GSAP: variants seen among roughly 807,000 people sequenced by gnomAD.
The protein encoded by GSAP is gamma-secretase-activating protein.
Under a neutral mutation model 131.7 loss-of-function variants are expected in GSAP, and 118 were observed. The ratio of observed to expected loss-of-function variants is 0.90; its 90% CI spans 0.77 to 1.04. GSAP has a LOEUF of 1.04. Among genes scored for constraint, GSAP ranks in the 50% least tolerant of loss-of-function variants. The pLI is 0.00. For missense variants in GSAP, 1,019 were observed against 1,013.2 expected, an observed-to-expected ratio of 1.01 and a Z score of -0.08; for synonymous variants, 381 against 363.4, an observed-to-expected ratio of 1.05 and a Z score of -0.55.
In GSAP at chr7:77,313,477, C is replaced by G. The variant is rs760149097; in HGVS notation, c.2271+11G>C. 13 of 1,451,542 alleles carry G rather than the reference C, an allele frequency of 9.0e-6. No individual in the cohort carries two copies. The highest frequency in any genetic ancestry group is 1.4e-5 in the African/African-American group (1 of 71,408). The allele number at this position is 1,451,542 out of a possible 1,614,324, so 89.9% of individuals were successfully genotyped here. On this transcript the variant is annotated intron_variant, in intron 28 of 30. Coordinates refer to ENST00000257626, the MANE Select transcript of GSAP (RefSeq NM_017439.4). The stretch of plus-strand genomic sequence containing the variant: ...AGCTTAGGGAGAAAATAAAATGTAA[C>G]TCAGTATTACCGGAGGAAGCCGCAC...
chr7:77,317,088 GCACA>G (rs558538518), intron 26 of GSAP, among the ~76,000 whole-genome samples: 1 of 151,852 alleles, frequency 6.6e-6, no homozygotes, highest in Non-Finnish European at 1.5e-5. Flanking sequence ...GCATGCACAT[GCACA>G]CACACACATG....
At chr7:77,376,336 T>C (rs900955394) in intron 10 of GSAP, among the ~76,000 whole-genome samples, 1 of 152,244 alleles carries the variant, frequency 6.6e-6, no homozygotes, top group Non-Finnish European at 1.5e-5. Flanking sequence ...CTGGTGTGTG[T>C]TCTTCTAATG....
chr7:77,391,421 G>A (rs1264086888), intron 5 of GSAP, among the ~76,000 whole-genome samples: 1 of 152,166 alleles, frequency 6.6e-6, no homozygotes, highest in East Asian at 1.9e-4. Context: ...GAAGCATCGT[G>A]AATTAAGATT....
At chr7:77,328,755 T>C in intron 21 of GSAP, 118 bp from the exon 22 acceptor site, 1 of 667,340 alleles carries the variant, frequency 1.5e-6, no homozygotes, top group Non-Finnish European at 2.6e-6. Flanking sequence ...GAAACTATTC[T>C]CAAGCTGCTG....
intron 5 of GSAP, among the ~76,000 whole-genome samples, chr7:77,392,080 C>T (rs1353539010): frequency 1.3e-5 from 2 of 151,888 alleles, no homozygotes; most frequent in Non-Finnish European, 1.5e-5. Flanking sequence ...CAAAAATTAG[C>T]CGGAAGTGGT....
At chr7:77,351,018 GATGTA>G in intron 18 of GSAP, 2 of 549,916 alleles carry the variant, frequency 3.6e-6, no homozygotes, top group South Asian at 8.0e-5. Flanking sequence ...TATTTTAGGA[GATGTA>G]ATGTAGAAAT....
Position 77,416,217 on chromosome 7 carries a change from G to T in GSAP, c.105C>A (p.Gly35=). The T allele has an allele frequency of 7.2e-7, 1 of 1,393,912 alleles. No individual in the cohort carries two copies. The highest frequency in any genetic ancestry group is 9.5e-7 in the Non-Finnish European group (1 of 1,054,920). 86.3% of individuals were successfully genotyped at this position (1,393,912 alleles called of 1,614,324 possible). The change falls in exon 1 of 31, where the codon GGC becomes GGA. Residue 35 remains glycine, a synonymous_variant. Coordinates refer to ENST00000257626, the MANE Select transcript of GSAP (RefSeq NM_017439.4). The part of the protein sequence containing the change: ...VSEASGAGSG[G]ADVLENDYES... ...TCCGCAGCGCGCCTCCCGCACCTGC[G>T]CCGCCGCTTCCGGCCCCGCTGGCCT...
At chr7:77,404,100 A>C (rs977647245) in intron 3 of GSAP, among the ~76,000 whole-genome samples, 3 of 152,226 alleles carry the variant, frequency 2.0e-5, no homozygotes, top group Admixed American at 2.0e-4. Flanking sequence ...AAATCAAGAG[A>C]TCAGGAGAGG....
chr7:77,322,582 G>GTT (rs61272117), intron 24 of GSAP, among the ~76,000 whole-genome samples: 12 of 125,138 alleles, frequency 9.6e-5, no homozygotes, highest in African/African-American at 2.6e-4. Context: ...TGTGTTGTGA[G>GTT]TTTTTTTTTT....
intron 24 of GSAP, among the ~76,000 whole-genome samples, chr7:77,323,400 G>A (rs1227837060): frequency 6.6e-6 from 1 of 152,208 alleles, no homozygotes; most frequent in Non-Finnish European, 1.5e-5. Flanking sequence ...ATTGTCCTAT[G>A]CATCCATGGG....
At chr7:77,346,447 A>T (rs529491199) in intron 19 of GSAP, among the ~76,000 whole-genome samples, 1 of 151,708 alleles carries the variant, frequency 6.6e-6, no homozygotes, top group African/African-American at 2.4e-5. Flanking sequence ...TACCTGTAAT[A>T]CCAACACTTT....
intron 8 of GSAP, 104 bp from the exon 9 acceptor site, chr7:77,377,494 T>G (rs1797128962): frequency 7.7e-7 from 1 of 1,301,270 alleles, no homozygotes; most frequent in Admixed American, 2.5e-5. Flanking sequence ...TTATGATACA[T>G]GTAAATATTT....
intron 5 of GSAP, among the ~76,000 whole-genome samples, chr7:77,395,675 G>A (rs532480621): frequency 6.6e-6 from 1 of 152,072 alleles, no homozygotes; most frequent in African/African-American, 2.4e-5. Flanking sequence ...CTTTACTGAG[G>A]CCCCCAAGAA....
chr7:77,336,485 T>TG (rs1023221376), intron 19 of GSAP, among the ~76,000 whole-genome samples: 1 of 151,846 alleles, frequency 6.6e-6, no homozygotes, highest in Non-Finnish European at 1.5e-5. Context: ...CAAGCTCTTT[T>TG]TTTTTGTTTT....
Position 77,314,435 on chromosome 7 carries a change from AG to A in GSAP, c.2143del (p.Leu715CysfsTer18), listed in dbSNP as rs1458051615. ...CACTCCACTGTCAATGCAATGCAGC[AG>A]GTTATGCAAAGGGAGACACTGGACC... is the stretch of plus-strand genomic sequence containing the variant. ...LGVQCLPLHN[L>X]LHCIDSGVLL... On this transcript the variant is annotated frameshift_variant, in exon 27 of 31. Transcript: ENST00000257626. LOFTEE classifies it high-confidence loss of function. 7 of 1,613,704 alleles carry A rather than the reference AG, an allele frequency of 4.3e-6. No homozygotes were observed. In the South Asian group the frequency reaches 7.7e-5, roughly 18 times the overall value.
intron 19 of GSAP, among the ~76,000 whole-genome samples, chr7:77,334,579 T>TAAAAAAAAAAAAAAA (rs1200040086): frequency 0.016 from 1,285 of 82,092 alleles, 115 homozygotes; most frequent in Non-Finnish European, 0.023. Flanking sequence ...AACTTAAAAT[T>TAAAAAAAAAAAAAAA]TAAAAAAAAA....
chr7:77,368,883 C>T (rs1456395129), intron 12 of GSAP, among the ~76,000 whole-genome samples: 1 of 152,168 alleles, frequency 6.6e-6, no homozygotes, highest in Non-Finnish European at 1.5e-5. Flanking sequence ...AGTCTTGCTG[C>T]TATTTACAAG....
intron 6 of GSAP, among the ~76,000 whole-genome samples, chr7:77,385,427 C>T (rs1171024900): frequency 1.3e-5 from 2 of 152,132 alleles, no homozygotes; most frequent in African/African-American, 2.4e-5. Context: ...TTAATATATT[C>T]GCAATGTATA....
chr7:77,351,181 A>G, intron 18 of GSAP: 1 of 983,134 alleles, frequency 1.0e-6, no homozygotes, highest in African/African-American at 1.7e-5. Context: ...GAAAGCCGTG[A>G]TAAGAATCTA....
Sources: gnomAD v4.1 joint callset for allele counts (sites outside exome capture counted in the v4.1 genomes callset) on GRCh38, gnomAD v4.1.1 for gene constraint, MANE v1.5 for transcripts, NCBI Gene and HGNC (gene_info 2026-07-23, HGNC 2026-07-21) for gene names.